Variants in COX7B2 observed in about 807,000 individuals in gnomAD.
The protein encoded by COX7B2 is cytochrome c oxidase subunit 7B2, mitochondrial.
For synonymous variants in COX7B2, 37 were observed against 32.1 expected (o/e 1.15, Z -0.51); for missense variants, 109 against 95.9 (o/e 1.14, Z -0.57).
At chr4:46,856,704 CA>C (rs1346921258) in intron 1 of COX7B2, among the ~76,000 whole-genome samples, 1 of 152,072 alleles carries the variant, frequency 6.6e-6, no homozygotes, top group Non-Finnish European at 1.5e-5. Context: ...AGTTGAAAGC[CA>C]AAACTACCCC....
At chr4:46,892,852 G>A (rs886080158) in intron 1 of COX7B2, among the ~76,000 whole-genome samples, 6 of 152,172 alleles carry the variant, frequency 3.9e-5, no homozygotes, top group African/African-American at 1.4e-4. Flanking sequence ...GAGGGACCCA[G>A]TGGGACATAA....
chr4:46,859,332 T>C (rs374170737), intron 1 of COX7B2, among the ~76,000 whole-genome samples: 32 of 152,326 alleles, frequency 2.1e-4, no homozygotes, highest in Admixed American at 3.3e-4. Flanking sequence ...CCCTCTTTTT[T>C]AACTACTAGG....
chr4:46,905,872 G>C (rs1283652664), intron 1 of COX7B2, among the ~76,000 whole-genome samples: 1 of 130,654 alleles, frequency 7.7e-6, no homozygotes, highest in Non-Finnish European at 1.6e-5. Flanking sequence ...GCCCAGGCCG[G>C]ACTGCGGACT....
intron 2 of COX7B2, among the ~76,000 whole-genome samples, chr4:46,841,335 C>CTGTGTG (rs145768502): frequency 0.097 from 13,491 of 139,718 alleles, 804 homozygotes; most frequent in South Asian, 0.15. Context: ...CAAATGTGCT[C>CTGTGTG]TGTGTGTGTG....
At chr4:46,801,525 T>C (rs141009739) in intron 2 of COX7B2, among the ~76,000 whole-genome samples, 7 of 152,132 alleles carry the variant, frequency 4.6e-5, no homozygotes, top group African/African-American at 7.2e-5. Context: ...AGAACACTCA[T>C]GGACACAAAG....
chr4:46,841,333 C>CGCTGTGTG (rs1553891997), intron 2 of COX7B2, among the ~76,000 whole-genome samples: 1 of 112,924 alleles, frequency 8.9e-6, no homozygotes, highest in Non-Finnish European at 1.9e-5. Context: ...ACCAAATGTG[C>CGCTGTGTG]TCTGTGTGTG....
chr4:46,755,945 A>T (rs1715769824), intron 2 of COX7B2, among the ~76,000 whole-genome samples: 1 of 152,002 alleles, frequency 6.6e-6, no homozygotes, highest in South Asian at 2.1e-4. Flanking sequence ...AGTTTTCACA[A>T]AATTATTTAA....
chr4:46,745,012 G>A (rs761907153), intron 2 of COX7B2, among the ~76,000 whole-genome samples: 2 of 152,098 alleles, frequency 1.3e-5, no homozygotes, highest in African/African-American at 4.8e-5. Flanking sequence ...GATTACAGGT[G>A]TGAGCCACTG....
intron 2 of COX7B2, among the ~76,000 whole-genome samples, chr4:46,808,020 C>T (rs1414375890): frequency 6.6e-6 from 1 of 151,690 alleles, no homozygotes; most frequent in Non-Finnish European, 1.5e-5. Context: ...TTTTAAGTTT[C>T]ATATTGGTTT....
intron 1 of COX7B2, among the ~76,000 whole-genome samples, chr4:46,899,424 A>G (rs1169411835): frequency 6.6e-6 from 1 of 152,230 alleles, no homozygotes; most frequent in African/African-American, 2.4e-5. Flanking sequence ...GAATAGATTC[A>G]GTCTCAATTC....
intron 2 of COX7B2, among the ~76,000 whole-genome samples, chr4:46,799,121 C>T (rs576252365): frequency 2.6e-5 from 4 of 152,146 alleles, no homozygotes; most frequent in Admixed American, 2.6e-4. Flanking sequence ...TTGTGTGTGG[C>T]TATTGTGAAT....
chr4:46,803,906 A>G (rs1718811239), intron 2 of COX7B2, among the ~76,000 whole-genome samples: 1 of 152,124 alleles, frequency 6.6e-6, no homozygotes, highest in Non-Finnish European at 1.5e-5. Context: ...GAGGTCTCTT[A>G]GGAAAACACT....
intron 2 of COX7B2, among the ~76,000 whole-genome samples, chr4:46,839,303 A>G (rs1715763113): frequency 1.3e-5 from 2 of 151,922 alleles, no homozygotes; most frequent in Non-Finnish European, 2.9e-5. Context: ...TTTCCTGTTT[A>G]CTGCCCTCAT....
intron 1 of COX7B2, among the ~76,000 whole-genome samples, chr4:46,907,604 G>A (rs537417263): frequency 1.4e-4 from 21 of 151,774 alleles, no homozygotes; most frequent in East Asian, 1.2e-3. Flanking sequence ...ATCCAACTCC[G>A]TAATTTGATA....
intron 2 of COX7B2, among the ~76,000 whole-genome samples, chr4:46,785,894 CA>C (rs1382011423): frequency 6.6e-6 from 1 of 151,608 alleles, no homozygotes; most frequent in Non-Finnish European, 1.5e-5. Flanking sequence ...GGGAAATAAA[CA>C]GAAAAAAAAT....
At chr4:46,762,154 C>T (rs1172287110) in intron 2 of COX7B2, among the ~76,000 whole-genome samples, 3 of 86,398 alleles carry the variant, frequency 3.5e-5, no homozygotes, top group African/African-American at 1.1e-4. Context: ...GATAATAACA[C>T]CTATTGTAGT....
chr4:46,830,358 A>G (rs1392944803), intron 2 of COX7B2, among the ~76,000 whole-genome samples: 1 of 151,812 alleles, frequency 6.6e-6, no homozygotes, highest in Non-Finnish European at 1.5e-5. Flanking sequence ...AAGAAAGAGA[A>G]AACGGAGAGA....
chr4:46,820,850 T>G (rs5025917), intron 2 of COX7B2, among the ~76,000 whole-genome samples: 11,253 of 145,874 alleles, frequency 0.077, 466 homozygotes, highest in African/African-American at 0.098. Context: ...TATATATATA[T>G]ATAGATAGAT....
At chr4:46,837,666 A>T (rs1179908508) in intron 2 of COX7B2, among the ~76,000 whole-genome samples, 1 of 152,082 alleles carries the variant, frequency 6.6e-6, no homozygotes, top group East Asian at 1.9e-4. Context: ...AGAATTAAAA[A>T]TTTTACATTA....
Sources: allele counts gnomAD v4.1 joint callset (sites outside exome capture counted in the v4.1 genomes callset), GRCh38; gene constraint gnomAD v4.1.1; transcripts MANE v1.5; gene names NCBI Gene and HGNC (gene_info 2026-07-23, HGNC 2026-07-21).